Variants in GALNT18 observed in about 807,000 individuals in gnomAD.
The protein encoded by GALNT18 is GalNAc-transferase 18.
In GALNT18, 44 loss-of-function variants were observed where a neutral mutation model predicts 69.5. The ratio of observed to expected loss-of-function variants is 0.63; its 90% confidence interval spans 0.50 to 0.81. The LOEUF (loss-of-function observed/expected upper bound fraction) is 0.81, where lower values mean the gene tolerates loss of function less well. Ranked by LOEUF, GALNT18 falls within the 40% of genes least tolerant of loss-of-function variation. The probability of loss-of-function intolerance (pLI) is 0.00; values close to 1 mark genes in which losing one functional copy is unlikely to be tolerated. For synonymous variants in GALNT18, 364 were observed against 318.2 expected (o/e 1.14, Z -1.53); for missense variants, 715 against 810.0 (o/e 0.88, Z 1.42).
chr11:11,336,274 G>A (rs866926966), intron 7 of GALNT18, among the ~76,000 whole-genome samples: 2 of 152,138 alleles, frequency 1.3e-5, no homozygotes, highest in African/African-American at 2.4e-5. Flanking sequence ...GAGGCTCTTC[G>A]ACCTTTCAAA....
intron 4 of GALNT18, 65 bp downstream of exon 4, chr11:11,379,016 G>A (rs1230058345): frequency 2.9e-6 from 4 of 1,392,128 alleles, no homozygotes; most frequent in Non-Finnish European, 3.8e-6. Context: ...AGCATGCTTT[G>A]CACTATTGGA....
chr11:11,384,308 G>A (rs895244905), intron 3 of GALNT18, among the ~76,000 whole-genome samples: 3 of 152,162 alleles, frequency 2.0e-5, no homozygotes, highest in African/African-American at 7.2e-5. Context: ...CTGACACTGA[G>A]TACTTTGTAA....
chr11:11,435,348 A>G lies in GALNT18; in HGVS notation c.429-2561T>C, dbSNP rs1036049008. 7.2e-5 allele frequency among the ~76,000 whole-genome samples: 11 copies of G among 152,150 alleles called. No homozygotes were observed. The highest frequency in any genetic ancestry group is 1.6e-4 in the Non-Finnish European group (11 of 68,008). ...TCCCAGTAGCAGCCCTGATGGTTTG[A>G]GCTGCCAGTCTCTGGAAGCTGGTCT... is the stretch of plus-strand genomic sequence containing the variant. On this transcript the variant is annotated intron_variant, in intron 2 of 10. Transcript: ENST00000227756. The surrounding 1 kb of genome is among the most constrained non-coding windows in gnomAD (Gnocchi z 4.4).
intron 1 of GALNT18, among the ~76,000 whole-genome samples, chr11:11,489,770 C>T (rs1313653956): frequency 6.6e-6 from 1 of 152,152 alleles, no homozygotes; most frequent in African/African-American, 2.4e-5. Context: ...AACTCTTATT[C>T]CTTGTAGCAA....
At position 11,271,169 on chromosome 11, in the gene GALNT18, T is replaced by C. The variant is rs756823960; in HGVS notation, c.1799A>G (p.Asn600Ser). 39 of 1,613,670 alleles carry C rather than the reference T, an allele frequency of 2.4e-5. No homozygotes were observed. Among genetic ancestry groups the C allele is most frequent in the South Asian group, 2.1e-4 (19 of 91,078 alleles). ...TCAGGACGCGAGGCTCCTCAGGACG[T>C]TGGTGATGCTCCAGTGCTGGCCCGA... ...KCSGQHWSIT[N>S]VLRSLAS The change falls in exon 11 of 11, where the codon AAC becomes AGC. Residue 600 changes from asparagine to serine, a missense_variant. By Grantham distance (46) the Asn-to-Ser change is conservative (BLOSUM62 1). Coordinates refer to ENST00000227756, the MANE Select transcript of GALNT18 (RefSeq NM_198516.3).
At chr11:11,272,808 G>C (rs1848854455) in intron 10 of GALNT18, among the ~76,000 whole-genome samples, 1 of 152,030 alleles carries the variant, frequency 6.6e-6, no homozygotes, top group Admixed American at 6.5e-5. Flanking sequence ...GCCTTTTCCA[G>C]CTCACAGTGG....
intron 6 of GALNT18, among the ~76,000 whole-genome samples, chr11:11,359,635 T>C (rs1850601196): frequency 1.3e-5 from 2 of 152,202 alleles, no homozygotes; most frequent in South Asian, 2.1e-4. Context: ...CATTGTGTAG[T>C]ATCATCTGAT....
At chr11:11,578,861 T>G (rs1483416052) in intron 1 of GALNT18, among the ~76,000 whole-genome samples, 3 of 152,234 alleles carry the variant, frequency 2.0e-5, no homozygotes, top group African/African-American at 7.2e-5. Flanking sequence ...AACCACCTTC[T>G]GATGCCTTGT....
At chr11:11,457,415 G>C (rs1330592137) in intron 1 of GALNT18, among the ~76,000 whole-genome samples, 3 of 152,226 alleles carry the variant, frequency 2.0e-5, no homozygotes, top group Non-Finnish European at 4.4e-5. Context: ...CTGCAGGAGA[G>C]GCTGTAGCCT....
Position 11,444,546 on chromosome 11 carries a change from T to C in GALNT18, c.428+4198A>G, listed in dbSNP as rs1252100494. On this transcript the variant is annotated intron_variant, in intron 2 of 10. Transcript: ENST00000227756. The surrounding 1 kb of genome is among the most constrained non-coding windows in gnomAD (Gnocchi z 4.4). The stretch of plus-strand genomic sequence containing the variant: ...GAGGCCTAGCAACTGGCTGGACCGA[T>C]GTTTTTCCTTCTAGTTGTGTCCTGT... Among the ~76,000 whole-genome samples, 1 of 152,206 alleles carries C rather than the reference T, an allele frequency of 6.6e-6. No homozygotes were observed. Among genetic ancestry groups the C allele is most frequent in the Non-Finnish European group, 1.5e-5 (1 of 68,044 alleles).
At chr11:11,369,188 C>T (rs569256269) in intron 6 of GALNT18, among the ~76,000 whole-genome samples, 9 of 152,242 alleles carry the variant, frequency 5.9e-5, no homozygotes, top group Admixed American at 1.3e-4. Context: ...GTAGGTTTCC[C>T]GGGCCTCTTA....
At chr11:11,313,810 TGA>T (rs1288050952) in intron 9 of GALNT18, among the ~76,000 whole-genome samples, 1 of 152,176 alleles carries the variant, frequency 6.6e-6, no homozygotes, top group Admixed American at 6.5e-5. Context: ...AAAGGGCCAT[TGA>T]GAGTTTTAAC....
chr11:11,589,250 A>G (rs1001681996), intron 1 of GALNT18, among the ~76,000 whole-genome samples: 2 of 152,214 alleles, frequency 1.3e-5, no homozygotes, highest in Admixed American at 1.3e-4. Context: ...TGGGGGGAGA[A>G]GTGGCTAACT....
Position 11,402,214 on chromosome 11 carries a change from C to T in GALNT18, c.596-22950G>A, listed in dbSNP as rs563157489. ...TTTATTTTCTGTCACCTTGGGAACG[C>T]TACCCTTCAGAGTGTTTATAGAACA... On this transcript the variant is annotated intron_variant, in intron 3 of 10. Coordinates refer to ENST00000227756, the MANE Select transcript of GALNT18 (RefSeq NM_198516.3). The surrounding 1 kb of genome is among the most constrained non-coding windows in gnomAD (Gnocchi z 4.0). Among the ~76,000 whole-genome samples the T allele has an allele frequency of 5.9e-5, 9 of 152,324 alleles. No homozygotes were observed. In the South Asian group the frequency reaches 1.7e-3, roughly 28 times the overall value.
intron 9 of GALNT18, among the ~76,000 whole-genome samples, chr11:11,294,659 A>G (rs1421258786): frequency 2.0e-5 from 3 of 151,500 alleles, no homozygotes; most frequent in Admixed American, 6.6e-5. Context: ...TTAACACATC[A>G]TTTACAAAAG....
chr11:11,401,507 C>T (rs1854466832), intron 3 of GALNT18, among the ~76,000 whole-genome samples: 1 of 152,174 alleles, frequency 6.6e-6, no homozygotes, highest in South Asian at 2.1e-4. Flanking sequence ...TCCTGTAACG[C>T]ATGCAGATGC....
At chr11:11,468,726 G>A (rs1396547776) in intron 1 of GALNT18, among the ~76,000 whole-genome samples, 1 of 152,072 alleles carries the variant, frequency 6.6e-6, no homozygotes, top group Non-Finnish European at 1.5e-5. Flanking sequence ...TTTTCAAACA[G>A]GATGCTCGCT....
chr11:11,325,017 A>T (rs1458243898), intron 9 of GALNT18, among the ~76,000 whole-genome samples: 1 of 152,258 alleles, frequency 6.6e-6, no homozygotes, highest in African/African-American at 2.4e-5. Context: ...ATCTACCCAA[A>T]GGAAAAGAAG....
At chr11:11,558,248 T>G (rs1858381676) in intron 1 of GALNT18, among the ~76,000 whole-genome samples, 1 of 150,460 alleles carries the variant, frequency 6.6e-6, no homozygotes, top group South Asian at 2.1e-4. Context: ...TGTGGTAGGG[T>G]TTTTTTCTCC....
Sources: gnomAD v4.1 joint callset for allele counts (sites outside exome capture counted in the v4.1 genomes callset) on GRCh38, gnomAD v4.1.1 for gene constraint, Gnocchi (gnomAD v3.1) non-coding constraint, MANE v1.5 for transcripts, NCBI Gene and HGNC (gene_info 2026-07-23, HGNC 2026-07-21) for gene names.